ZNF737: variants seen among roughly 807,000 people sequenced by gnomAD.
ZNF737 encodes zinc finger protein 102 (Y3).
In ZNF737, 13 loss-of-function variants were observed where a neutral mutation model predicts 11.7. That is an observed-to-expected ratio of 1.11 (90% confidence interval 0.73 to 1.77). The LOEUF (loss-of-function observed/expected upper bound fraction) is 1.77. Among genes scored for constraint, ZNF737 ranks in the 40% most tolerant of loss-of-function variants. The probability of loss-of-function intolerance (pLI) is 0.00; values close to 1 mark genes in which losing one functional copy is unlikely to be tolerated. For missense variants in ZNF737, 636 were observed against 638.0 expected (o/e 1.00, Z 0.03); for synonymous variants, 217 against 216.2 (o/e 1.00, Z -0.03).
chr19:20,545,948 A>G lies in ZNF737; in HGVS notation c.255T>C (p.Leu85=). The change falls in exon 4 of 4, where the codon CTT becomes CTC. Residue 85 remains leucine (L), a synonymous_variant. Coordinates refer to ENST00000427401, the MANE Select transcript of ZNF737 (RefSeq NM_001159293.2). The part of the protein sequence containing the change: ...SVTCSHFARD[L]WPEQSIKDSF... ...AATCTTTTATGCTCTGCTCTGGCCA[A>G]AGATCTCGGGCAAAATGAGAACACG... 2 of 1,557,912 alleles carry G rather than the reference A, an allele frequency of 1.3e-6. No homozygotes were observed. Among genetic ancestry groups the G allele is most frequent in the East Asian group, 4.5e-5 (2 of 44,528 alleles).
chr19:20,533,031 GA>G (rs1967867495), downstream of ZNF737, among the ~76,000 whole-genome samples: 1 of 150,208 alleles, frequency 6.7e-6, no homozygotes, highest in South Asian at 2.2e-4. Flanking sequence ...TAAAGAGAAA[GA>G]ATAAGTATTC....
rs1319780951 is a variant in ZNF737, at chr19:20,550,584, G to A, written c.226+1891C>T. On this transcript the variant is annotated intron_variant, in intron 3 of 3. Transcript: ENST00000427401. ...CTTACAGCAAAACAAGTCAGCCATC[G>A]CTGACAAAAATACCTTTATGAGAGA... Among the ~76,000 whole-genome samples the A allele has an allele frequency of 3.9e-5, 6 of 152,110 alleles. No homozygotes were observed. The East Asian group carries it at 9.6e-4, about 24-fold the overall frequency.
Position 20,552,512 on chromosome 19 carries a change from C to T in ZNF737, c.189G>A (p.Leu63=), listed in dbSNP as rs1555758808. The T allele has an allele frequency of 3.8e-6, 6 of 1,595,244 alleles. No individual in the cohort carries two copies. The highest frequency in any genetic ancestry group is 5.1e-6 in the Non-Finnish European group (6 of 1,173,620). ...ITCLEQGKKP[L]TMKKHEMVAN... ...CTACCATCTCATGTTTCTTCATGGT[C>T]AAAGGTTTTTTTCCTTGCTCCAGAC... is the stretch of plus-strand genomic sequence containing the variant. Residue 63 remains leucine (L), a synonymous_variant, in exon 3 of 4, where the codon TTG becomes TTA. Transcript: ENST00000427401.
Position 20,545,227 on chromosome 19 carries a change from A to T in ZNF737, c.976T>A (p.Ser326Thr). The change falls in exon 4 of 4, where the codon TCT becomes ACT. Residue 326 changes from serine to threonine, a missense_variant. By Grantham distance (58) the Ser-to-Thr change is moderately conservative. Transcript: ENST00000427401. Reference sequence around the variant, plus strand: ...ATTCTTTTATGTGTAGTAAGGACAGAGGGGTGCTTAAAGGCTTTGCCACAT... The same window carrying T: ...ATTCTTTTATGTGTAGTAAGGACAGTGGGGTGCTTAAAGGCTTTGCCACAT... ...EECGKAFKHP[S>T]VLTTHKRIHT... The T allele has an allele frequency of 6.2e-7, 1 of 1,613,886 alleles. No individual in the cohort carries two copies. Among genetic ancestry groups the T allele is most frequent in the African/African-American group, 1.3e-5 (1 of 75,030 alleles).
intron 2 of ZNF737, among the ~76,000 whole-genome samples, chr19:20,553,496 G>C (rs932418746): frequency 2.6e-5 from 4 of 152,032 alleles, no homozygotes; most frequent in African/African-American, 9.7e-5. Flanking sequence ...CTAGCCTCAG[G>C]TAATACCCCC....
chr19:20,534,984 T>G (rs1555753561), downstream of ZNF737, among the ~76,000 whole-genome samples: 2 of 150,070 alleles, frequency 1.3e-5, no homozygotes, highest in Admixed American at 1.3e-4. Flanking sequence ...GACAGAGAAA[T>G]GAAGGTTTTT....
downstream of ZNF737, among the ~76,000 whole-genome samples, chr19:20,535,630 A>T (rs1233424554): frequency 6.6e-6 from 1 of 151,212 alleles, no homozygotes; most frequent in African/African-American, 2.4e-5. Context: ...GGTTCAAGAG[A>T]TTCTCCTGCC....
Position 20,541,965 on chromosome 19 carries a change from C to T in ZNF737, c.*2627G>A, listed in dbSNP as rs1450954092. The stretch of plus-strand genomic sequence containing the variant: ...AATATATACACATATTATATACCCA[C>T]GAATACAAATAAAAAATTTAAATAA... On this transcript the variant is annotated 3_prime_UTR_variant, in exon 4 of 4. Coordinates refer to ENST00000427401, the MANE Select transcript of ZNF737 (RefSeq NM_001159293.2). The T allele has an allele frequency of 2.7e-5, 26 of 946,310 alleles. No homozygotes were observed. The highest frequency in any genetic ancestry group is 7.1e-5 in the African/African-American group (4 of 56,182). The allele number at this position is 946,310 out of a possible 1,614,324, so 58.6% of individuals were successfully genotyped here. A position where few individuals can be genotyped will look rare whatever the true frequency, so the allele number is the denominator to read the frequency against.
intron 2 of ZNF737, 58 bp downstream of exon 2, chr19:20,553,646 TACAAG>T: frequency 6.7e-7 from 1 of 1,497,652 alleles, no homozygotes; most frequent in South Asian, 1.2e-5. Context: ...AAAAAAATTC[TACAAG>T]AGAGAGAAAT....
chr19:20,554,913 A>G (rs1234148592), intron 1 of ZNF737, among the ~76,000 whole-genome samples: 1 of 143,766 alleles, frequency 7.0e-6, no homozygotes, highest in Non-Finnish European at 1.5e-5. Context: ...CCCAGGCTGG[A>G]GTGCAATGGC....
chr19:20,558,901 A>C (rs1384092911), intron 1 of ZNF737, among the ~76,000 whole-genome samples: 1 of 152,240 alleles, frequency 6.6e-6, no homozygotes, highest in African/African-American at 2.4e-5. Context: ...TATAACCATC[A>C]GATTTTTGAC....
chr19:20,564,789 G>T (rs1969233067), intron 1 of ZNF737, among the ~76,000 whole-genome samples: 1 of 151,038 alleles, frequency 6.6e-6, no homozygotes, highest in South Asian at 2.1e-4. Flanking sequence ...CAATTAGACT[G>T]AAGAAGCTCT....
intron 1 of ZNF737, among the ~76,000 whole-genome samples, chr19:20,562,697 C>G (rs560462413): frequency 1.3e-5 from 2 of 151,912 alleles, no homozygotes; most frequent in Non-Finnish European, 2.9e-5. Context: ...TCAGGTGATC[C>G]GCCTGTCTCA....
chr19:20,544,430 G>A lies in ZNF737; in HGVS notation c.*162C>T. On this transcript the variant is annotated 3_prime_UTR_variant, in exon 4 of 4. Transcript: ENST00000427401. Reference sequence around the variant, plus strand: ...CTTTGCTGCATTTTCTTATTTGTTGGGTTTCTTTCCCGCATGAATTATCTA... The same window carrying A: ...CTTTGCTGCATTTTCTTATTTGTTGAGTTTCTTTCCCGCATGAATTATCTA... 1 of 1,457,742 alleles carries A rather than the reference G, an allele frequency of 6.9e-7. No individual in the cohort carries two copies. Among genetic ancestry groups the A allele is most frequent in the Non-Finnish European group, 9.0e-7 (1 of 1,112,388 alleles). 90.3% of individuals were successfully genotyped at this position (1,457,742 alleles called of 1,614,324 possible).
chr19:20,560,721 G>A (rs1555762231), intron 1 of ZNF737, among the ~76,000 whole-genome samples: 1 of 151,432 alleles, frequency 6.6e-6, no homozygotes, highest in African/African-American at 2.4e-5. Flanking sequence ...CGGAGGTTGT[G>A]GTGAGCCGAG....
In ZNF737 at chr19:20,544,562, T is replaced by A; in HGVS notation, c.*30A>T. 6.4e-7 allele frequency: 1 copy of A among 1,565,870 alleles called. No homozygotes were observed. Among genetic ancestry groups the A allele is most frequent in the Non-Finnish European group, 8.6e-7 (1 of 1,160,408 alleles). On this transcript the variant is annotated 3_prime_UTR_variant, in exon 4 of 4. Transcript: ENST00000427401. Reference sequence around the variant, plus strand: ...CTTATGTGAAAAAAGCATAGTGGGATAGCTTAAAGCTTTGCCACATTCCTC... The same window carrying A: ...CTTATGTGAAAAAAGCATAGTGGGAAAGCTTAAAGCTTTGCCACATTCCTC...
chr19:20,534,419 G>A (rs1449691071), downstream of ZNF737, among the ~76,000 whole-genome samples: 21 of 148,178 alleles, frequency 1.4e-4, 1 homozygote, highest in Non-Finnish European at 1.0e-4. Flanking sequence ...TCCAGCCTGA[G>A]CAAGAGTGAA....
chr19:20,539,040 A>G lies in ZNF737; in HGVS notation c.*5552T>C, dbSNP rs1390732860. 6 of 975,494 alleles carry G rather than the reference A, an allele frequency of 6.2e-6. No homozygotes were observed. The highest frequency in any genetic ancestry group is 1.8e-5 in the African/African-American group (1 of 57,020). 60.4% of individuals were successfully genotyped at this position (975,494 alleles called of 1,614,324 possible). On this transcript the variant is annotated 3_prime_UTR_variant, in exon 4 of 4. Transcript: ENST00000427401. The stretch of plus-strand genomic sequence containing the variant: ...GCTGGGAAAAGTGGCTCATGCCTGT[A>G]ATCCCAGCACTCTGGGAGGCTGAGG...
At chr19:20,548,265 GCC>G (rs1426388571) in intron 3 of ZNF737, among the ~76,000 whole-genome samples, 4 of 152,114 alleles carry the variant, frequency 2.6e-5, no homozygotes, top group Admixed American at 2.6e-4. Flanking sequence ...CAACCCAGAT[GCC>G]TCTTGATTTA....
Sources: allele counts gnomAD v4.1 joint callset (sites outside exome capture counted in the v4.1 genomes callset), GRCh38; gene constraint gnomAD v4.1.1; transcripts MANE v1.5; gene names NCBI Gene and HGNC (gene_info 2026-07-23, HGNC 2026-07-21).